The following LYST variants were observed in gnomAD, a reference collection of about 807,000 sequenced individuals.
The protein encoded by LYST is lysosomal-trafficking regulator.
Under a neutral mutation model 413.6 loss-of-function variants are expected in LYST, and 192 were observed. That is an observed-to-expected ratio of 0.46 (90% confidence interval 0.41 to 0.52). LYST has a LOEUF of 0.52. Among genes scored for constraint, LYST ranks in the 20% least tolerant of loss-of-function variants. The probability of loss-of-function intolerance (pLI) is 0.00; values close to 1 mark genes in which losing one functional copy is unlikely to be tolerated. For missense variants in LYST, 3,815 were observed against 4,499.9 expected, an observed-to-expected ratio of 0.85 and a Z score of 4.35; for synonymous variants, 1,525 against 1,567.3, an observed-to-expected ratio of 0.97 and a Z score of 0.64.
chr1:235,822,196 A>G (rs1395698187), intron 3 of LYST, among the ~76,000 whole-genome samples: 1 of 152,216 alleles, frequency 6.6e-6, no homozygotes, highest in Non-Finnish European at 1.5e-5. Flanking sequence ...AGAAAGCTGT[A>G]TATTATGGGC....
chr1:235,680,630 C>T (rs983259425), intron 48 of LYST, among the ~76,000 whole-genome samples: 1 of 150,912 alleles, frequency 6.6e-6, no homozygotes, highest in East Asian at 1.9e-4. Flanking sequence ...TGAAGTCTTG[C>T]TCTTGCTGCC....
rs773306026 is a variant in LYST at position 235,759,352 on chromosome 1, G to C, written c.6501C>G (p.Ser2167Arg). Reference sequence around the variant, plus strand: ...CACAAACAGTTTTTGCAGACTCACAGCTACTGATGAATGCGTCCTCTTTGC... The same window carrying C: ...CACAAACAGTTTTTGCAGACTCACACCTACTGATGAATGCGTCCTCTTTGC... ...KKGKEDAFIS[S>R]CESAKTVCEM... Residue 2167 changes from serine to arginine, a missense_variant, in exon 23 of 53, where the codon AGC becomes AGG. Transcript: ENST00000389793. The C allele has an allele frequency of 1.2e-6, 2 of 1,614,184 alleles. No individual in the cohort carries two copies. Among genetic ancestry groups the C allele is most frequent in the Non-Finnish European group, 1.7e-6 (2 of 1,180,024 alleles).
chr1:235,871,178 A>G (rs1412290692), upstream of LYST, among the ~76,000 whole-genome samples: 2 of 152,220 alleles, frequency 1.3e-5, no homozygotes, highest in Non-Finnish European at 2.9e-5. Context: ...TTAAGTTGTT[A>G]CCAACATCCA....
intron 1 of LYST, among the ~76,000 whole-genome samples, chr1:235,839,227 A>T (rs185045078): frequency 3.5e-4 from 53 of 151,984 alleles, no homozygotes; most frequent in Non-Finnish European, 6.9e-4. Context: ...TATAGGTTTT[A>T]TATGTGTGGG....
chr1:235,788,708 T>C lies in LYST; in HGVS notation c.4681A>G (p.Ile1561Val), dbSNP rs1182738262. The change falls in exon 13 of 53, where the codon ATC becomes GTC. Residue 1561 changes from isoleucine to valine, a missense_variant. By Grantham distance (29) the Ile-to-Val change is conservative (BLOSUM62 3). This residue lies in a region of LYST where 530 missense variants were observed against 696.5 expected (regional missense o/e 0.76). Coordinates refer to ENST00000389793, the MANE Select transcript of LYST (RefSeq NM_000081.4). The part of the protein sequence containing the change: ...VWADPHNATL[I>V]FRVCMDSNDD... ...GCTGAGGATAATCAATACCGAAAGA[T>C]AAGAGTGGCATTGTGGGGATCAGCC... The C allele has an allele frequency of 1.2e-6, 2 of 1,613,812 alleles. No individual in the cohort carries two copies. Among genetic ancestry groups the C allele is most frequent in the Non-Finnish European group, 1.7e-6 (2 of 1,179,788 alleles).
intron 2 of LYST, among the ~76,000 whole-genome samples, chr1:235,832,194 G>A (rs1431171777): frequency 6.6e-6 from 1 of 152,242 alleles, no homozygotes; most frequent in Admixed American, 6.5e-5. Flanking sequence ...TACCAGCAAT[G>A]CACAGAAGTC....
chr1:235,791,973 C>CATG lies in LYST; in HGVS notation c.4266_4268dup (p.Ala1422_Met1423insIle), dbSNP rs1322876921. On this transcript the variant is annotated inframe_insertion, in exon 12 of 53. Coordinates refer to ENST00000389793, the MANE Select transcript of LYST (RefSeq NM_000081.4). ...AAACTCGTGCTCTTCTCAATAAACC[C>CATG]ATGGCCTTACTGTTTAAAATCCCAG... 1.9e-6 allele frequency: 3 copies of CATG among 1,614,120 alleles called. No homozygotes were observed. In the South Asian group the frequency reaches 3.3e-5, roughly 18 times the overall value.
At chr1:235,673,730 A>G (rs976009496) in intron 50 of LYST, among the ~76,000 whole-genome samples, 1 of 152,140 alleles carries the variant, frequency 6.6e-6, no homozygotes, top group South Asian at 2.1e-4. Flanking sequence ...CTTCCCCGCT[A>G]TCCTCTATTG....
chr1:235,846,294 A>G (rs1377428264), intron 1 of LYST, among the ~76,000 whole-genome samples: 2 of 152,160 alleles, frequency 1.3e-5, no homozygotes, highest in Non-Finnish European at 2.9e-5. Flanking sequence ...AGTTCGGCTC[A>G]CAGGAAGCCA....
rs531226416 is a variant in LYST at position 235,693,075 on chromosome 1, G to A, written c.10701+275C>T. Among the ~76,000 whole-genome samples, 5 of 152,218 alleles carry A rather than the reference G, an allele frequency of 3.3e-5. No homozygotes were observed. The South Asian group carries it at 1.0e-3, about 32-fold the overall frequency. On this transcript the variant is annotated intron_variant, in intron 47 of 52. Transcript: ENST00000389793. ...TCACACCTGTAATCCCAGCACTTTG[G>A]GAGGCCAAGGCGGGCAGATAACAAG...
chr1:235,805,670 T>TTA (rs1208191775), intron 6 of LYST, 73 bp downstream of exon 6: 28 of 698,290 alleles, frequency 4.0e-5, no homozygotes, highest in East Asian at 1.2e-4. Flanking sequence ...ATTACATTTT[T>TTA]TATATATATA....
chr1:235,753,260 T>C lies in LYST; in HGVS notation c.7244A>G (p.Asp2415Gly), dbSNP rs1666680337. 6.3e-7 allele frequency: 1 copy of C among 1,592,202 alleles called. No individual in the cohort carries two copies. The highest frequency in any genetic ancestry group is 8.6e-7 in the Non-Finnish European group (1 of 1,160,394). The change falls in exon 26 of 53, where the codon GAT (aspartate) becomes GGT (glycine). Residue 2415 changes from aspartate to glycine, a missense_variant. Physicochemically the swap from Asp to Gly is moderately conservative, Grantham distance 94. Transcript: ENST00000389793. ...IGLDEEFDLE[D>G]VRNMGLFQKW... ...CTGAAACAATCCCATGTTTCTCACA[T>C]CTTCCAGATCAAATCTATAATAAAT... is the stretch of plus-strand genomic sequence containing the variant.
At chr1:235,722,535 G>C (rs1663473479) in intron 39 of LYST, among the ~76,000 whole-genome samples, 1 of 152,174 alleles carries the variant, frequency 6.6e-6, no homozygotes, top group African/African-American at 2.4e-5. Context: ...GCCCAGGCTG[G>C]AGTGTAATGG....
chr1:235,712,176 T>C lies in LYST; in HGVS notation c.9806A>G (p.Asp3269Gly). The change falls in exon 43 of 53, where the codon GAC becomes GGC. Residue 3269 changes from aspartate to glycine, a missense_variant. This residue lies in a region of LYST where 866 missense variants were observed against 1,156.0 expected (regional missense o/e 0.75). Coordinates refer to ENST00000389793, the MANE Select transcript of LYST (RefSeq NM_000081.4). ...TGTATTTGTAGAATGAAAAGTTCTGTCTGGAATGTCAAAACTTTGATCTAT... is the reference window on the plus strand; with the variant it reads ...TGTATTTGTAGAATGAAAAGTTCTGCCTGGAATGTCAAAACTTTGATCTAT... ...AYQDQSFDIPDRTFHSTNTTW... is the reference protein window; with the variant it reads ...AYQDQSFDIPGRTFHSTNTTW... 2.5e-6 allele frequency: 4 copies of C among 1,584,578 alleles called. No homozygotes were observed. The highest frequency in any genetic ancestry group is 3.4e-6 in the Non-Finnish European group (4 of 1,161,184).
chr1:235,867,185 G>T (rs1680660159), upstream of LYST, among the ~76,000 whole-genome samples: 1 of 152,222 alleles, frequency 6.6e-6, no homozygotes. Context: ...TCAGCGGTCG[G>T]GGGTCGTACC....
At position 235,777,319 on chromosome 1, in the gene LYST, A is replaced by G. The variant is rs368191555; in HGVS notation, c.5215-11T>C. The G allele has an allele frequency of 4.9e-5, 79 of 1,610,160 alleles. No individual in the cohort carries two copies. The African/African-American group carries it at 1.0e-3, about 21-fold the overall frequency. ...AACTGAAAGACTTTCCTGAAATACAAATATTTTCATTCAGTAATGACAACA... is the reference window on the plus strand; with the variant it reads ...AACTGAAAGACTTTCCTGAAATACAGATATTTTCATTCAGTAATGACAACA... On this transcript the variant is annotated splice_polypyrimidine_tract_variant and intron_variant, in intron 16 of 52. Transcript: ENST00000389793.
intron 50 of LYST, among the ~76,000 whole-genome samples, chr1:235,666,305 G>A (rs569586922): frequency 2.8e-5 from 4 of 142,926 alleles, no homozygotes; most frequent in Admixed American, 1.5e-4. Context: ...TGAAGCATGC[G>A]AAAACATGGA....
chr1:235,782,196 G>A (rs1490415775), intron 14 of LYST, 109 bp from the exon 15 acceptor site: 9 of 911,514 alleles, frequency 9.9e-6, no homozygotes, highest in Non-Finnish European at 1.4e-5. Flanking sequence ...TTTTTTTTTT[G>A]GAGACAGAGT....
chr1:235,853,328 T>C (rs926389788), intron 1 of LYST, among the ~76,000 whole-genome samples: 8 of 152,228 alleles, frequency 5.3e-5, no homozygotes, highest in African/African-American at 1.7e-4. Flanking sequence ...CTAGATGTTC[T>C]ATATTTAAAA....
Sources: gnomAD v4.1 joint callset for allele counts (sites outside exome capture counted in the v4.1 genomes callset) on GRCh38, gnomAD v4.1.1 for gene constraint, gnomAD v4.1.1 regional missense constraint, MANE v1.5 for transcripts, NCBI Gene and HGNC (gene_info 2026-07-23, HGNC 2026-07-21) for gene names.